Variants in PTPRM observed in about 807,000 individuals in gnomAD.
PTPRM encodes the protein protein tyrosine phosphatase receptor type M.
A neutral mutation model predicts 186.7 loss-of-function variants in PTPRM; 47 were observed. That is an observed-to-expected ratio of 0.25 (90% CI 0.20 to 0.32). The LOEUF (loss-of-function observed/expected upper bound fraction) is 0.32, where lower values mean the gene tolerates loss of function less well. PTPRM is among the 10% of genes least tolerant of loss of function. The pLI is 1.00. For missense variants in PTPRM, 1,494 were observed against 1,865.0 expected (o/e 0.80, Z 3.66); for synonymous variants, 668 against 674.9 (o/e 0.99, Z 0.16).
intron 14 of PTPRM, among the ~76,000 whole-genome samples, chr18:8,223,808 A>G (rs1044733622): frequency 1.3e-5 from 2 of 152,198 alleles, no homozygotes; most frequent in Non-Finnish European, 2.9e-5. Context: ...GGGGGGAGTG[A>G]TAGGTGTTTG....
At chr18:8,405,991 T>C in intron 32 of PTPRM, 118 bp from the exon 33 acceptor site, 1 of 908,910 alleles carries the variant, frequency 1.1e-6, no homozygotes, top group Non-Finnish European at 1.8e-6. Context: ...GATTCATTTC[T>C]AATTCAAATC....
chr18:7,619,833 T>A (rs1330064154), intron 1 of PTPRM, among the ~76,000 whole-genome samples: 3 of 152,122 alleles, frequency 2.0e-5, no homozygotes, highest in African/African-American at 7.2e-5. Flanking sequence ...ATGACTTGCT[T>A]TGGCCAATTA....
chr18:8,325,733 AAGTTCTTTG>A (rs2095371774), intron 22 of PTPRM, among the ~76,000 whole-genome samples: 1 of 152,094 alleles, frequency 6.6e-6, no homozygotes, highest in South Asian at 2.1e-4. Context: ...CTTCTGTTGT[AAGTTCTTTG>A]AGAAATTTCC....
At chr18:8,097,552 A>T (rs1187848775) in intron 11 of PTPRM, among the ~76,000 whole-genome samples, 1 of 152,222 alleles carries the variant, frequency 6.6e-6, no homozygotes, top group Non-Finnish European at 1.5e-5. Context: ...TTCATTCACC[A>T]GATATCTACT....
At chr18:8,017,403 A>G (rs143327188) in intron 7 of PTPRM, among the ~76,000 whole-genome samples, 1,574 of 152,028 alleles carry the variant, frequency 0.01, 20 homozygotes, top group Middle Eastern at 0.054. Flanking sequence ...TGCAAAAAAT[A>G]TACAAAAATT....
chr18:8,242,603 T>C (rs1176130859), intron 14 of PTPRM, among the ~76,000 whole-genome samples: 2 of 152,216 alleles, frequency 1.3e-5, no homozygotes, highest in Admixed American at 6.5e-5. Context: ...AGAGATGTTA[T>C]AAGTAATTTT....
chr18:7,964,582 A>C (rs1259652484), intron 7 of PTPRM, among the ~76,000 whole-genome samples: 1 of 152,174 alleles, frequency 6.6e-6, no homozygotes, highest in African/African-American at 2.4e-5. Flanking sequence ...TCCCGAATGA[A>C]TCCTAAGTAG....
intron 7 of PTPRM, among the ~76,000 whole-genome samples, chr18:8,008,061 A>T (rs2084296883): frequency 6.6e-6 from 1 of 152,154 alleles, no homozygotes; most frequent in South Asian, 2.1e-4. Flanking sequence ...TTTCTGTGGA[A>T]ATTATTCCTG....
intron 7 of PTPRM, among the ~76,000 whole-genome samples, chr18:8,039,631 A>G (rs902978054): frequency 6.6e-6 from 1 of 152,224 alleles, no homozygotes; most frequent in Non-Finnish European, 1.5e-5. Flanking sequence ...GCAAAATGAT[A>G]TACATCACCT....
chr18:7,612,369 C>T (rs905399415), intron 1 of PTPRM, among the ~76,000 whole-genome samples: 2 of 152,164 alleles, frequency 1.3e-5, no homozygotes, highest in Non-Finnish European at 2.9e-5. Flanking sequence ...TTCACGGCCT[C>T]ATTTTTCACT....
intron 2 of PTPRM, among the ~76,000 whole-genome samples, chr18:7,857,120 C>G (rs1183363583): frequency 6.6e-6 from 1 of 152,082 alleles, no homozygotes; most frequent in African/African-American, 2.4e-5. Context: ...TGGCTTTTCT[C>G]TGCTGTGGGA....
At chr18:7,573,309 G>A (rs1418755667) in intron 1 of PTPRM, among the ~76,000 whole-genome samples, 1 of 152,214 alleles carries the variant, frequency 6.6e-6, no homozygotes, top group Non-Finnish European at 1.5e-5. Context: ...GTAGATCACA[G>A]TGACATCCTG....
At chr18:8,287,964 A>C (rs1272723273) in intron 19 of PTPRM, among the ~76,000 whole-genome samples, 1 of 152,186 alleles carries the variant, frequency 6.6e-6, no homozygotes, top group Admixed American at 6.5e-5. Flanking sequence ...TTGGGTTTGC[A>C]AGGGCACTGC....
At chr18:7,626,689 C>T (rs760459175) in intron 1 of PTPRM, among the ~76,000 whole-genome samples, 6 of 151,992 alleles carry the variant, frequency 3.9e-5, no homozygotes, top group Admixed American at 1.3e-4. Context: ...CTGGGGTTAT[C>T]TGGGTTATTT....
At chr18:8,212,156 G>A (rs1294182556) in intron 14 of PTPRM, among the ~76,000 whole-genome samples, 1 of 152,200 alleles carries the variant, frequency 6.6e-6, no homozygotes, top group African/African-American at 2.4e-5. Flanking sequence ...AAGAGGACCA[G>A]GTGCCTGTGC....
At chr18:7,923,826 C>A (rs55830663) in intron 4 of PTPRM, among the ~76,000 whole-genome samples, 1 of 152,114 alleles carries the variant, frequency 6.6e-6, no homozygotes, top group African/African-American at 2.4e-5. Context: ...TCTGCATCTT[C>A]TTTTGCTCAA....
At chr18:8,331,560 GTTA>G (rs1473628776) in intron 22 of PTPRM, among the ~76,000 whole-genome samples, 1 of 152,172 alleles carries the variant, frequency 6.6e-6, no homozygotes, top group Non-Finnish European at 1.5e-5. Flanking sequence ...GCTACTTATT[GTTA>G]TTATCATTTT....
intron 2 of PTPRM, among the ~76,000 whole-genome samples, chr18:7,787,444 A>G (rs183670063): frequency 2.6e-5 from 4 of 152,346 alleles, no homozygotes; most frequent in Admixed American, 6.5e-5. Context: ...ATGTTACTGC[A>G]CATGCTTTGG....
intron 14 of PTPRM, among the ~76,000 whole-genome samples, chr18:8,184,399 C>G (rs1329208048): frequency 6.6e-6 from 1 of 152,066 alleles, no homozygotes; most frequent in Non-Finnish European, 1.5e-5. Context: ...AATGATAAGT[C>G]CATTAAAAAG....
Sources: allele counts gnomAD v4.1 joint callset (sites outside exome capture counted in the v4.1 genomes callset), GRCh38; gene constraint gnomAD v4.1.1; transcripts MANE v1.5; gene names NCBI Gene and HGNC (gene_info 2026-07-23, HGNC 2026-07-21).